The following PPP4R3B variants were observed in gnomAD, a reference collection of about 807,000 sequenced individuals.
The protein encoded by PPP4R3B is serine/threonine-protein phosphatase 4 regulatory subunit 3B.
PPP4R3B carries 52 observed loss-of-function variants against 95.4 expected under a neutral mutation model. That is an observed-to-expected ratio of 0.54 (90% confidence interval 0.44 to 0.69). The LOEUF is 0.69. Ranked by LOEUF, PPP4R3B falls within the 30% of genes least tolerant of loss-of-function variation. PPP4R3B has a pLI of 0.00. For missense variants in PPP4R3B, 1,003 were observed against 1,005.9 expected, an observed-to-expected ratio of 1.00 and a Z score of 0.04; for synonymous variants, 407 against 343.9, an observed-to-expected ratio of 1.18 and a Z score of -2.03.
intron 2 of PPP4R3B, among the ~76,000 whole-genome samples, chr2:55,605,216 T>C (rs924240065): frequency 7.2e-5 from 11 of 152,158 alleles, no homozygotes; most frequent in African/African-American, 2.7e-4. Flanking sequence ...ATAATGAAAG[T>C]TTAACGTGGC....
At chr2:55,616,905 G>A (rs1024548158) in intron 1 of PPP4R3B, among the ~76,000 whole-genome samples, 1 of 152,056 alleles carries the variant, frequency 6.6e-6, no homozygotes, top group African/African-American at 2.4e-5. Flanking sequence ...AAAAGAGGAG[G>A]GACTGGAAAG....
At chr2:55,569,438 G>A (rs1172637820) in intron 12 of PPP4R3B, among the ~76,000 whole-genome samples, 2 of 152,196 alleles carry the variant, frequency 1.3e-5, no homozygotes, top group South Asian at 2.1e-4. Flanking sequence ...GTGATGCTGT[G>A]CTTCAGGGGT....
intron 4 of PPP4R3B, among the ~76,000 whole-genome samples, chr2:55,591,001 C>G (rs1275174076): frequency 1.3e-5 from 2 of 152,168 alleles, no homozygotes; most frequent in African/African-American, 4.8e-5. Context: ...GTGTCTGAGT[C>G]ATTTAATTAG....
At chr2:55,613,306 ATTC>A (rs570878797) in intron 2 of PPP4R3B, among the ~76,000 whole-genome samples, 2 of 151,742 alleles carry the variant, frequency 1.3e-5, no homozygotes, top group South Asian at 2.1e-4. Flanking sequence ...GTGTTTCCAT[ATTC>A]TTCTCATTAC....
chr2:55,564,858 GAC>G, intron 14 of PPP4R3B, 42 bp downstream of exon 14: 1 of 1,577,840 alleles, frequency 6.3e-7, no homozygotes, highest in Non-Finnish European at 8.6e-7. Flanking sequence ...AACAATTTTG[GAC>G]ACAGTTTTGT....
In PPP4R3B at chr2:55,587,251, T is replaced by C. The variant is rs115227861; in HGVS notation, c.1000-517A>G. On this transcript the variant is annotated intron_variant, in intron 5 of 16. Coordinates refer to ENST00000616407, the MANE Select transcript of PPP4R3B (RefSeq NM_001122964.3). ...TAATGGGGTGCCAGTTTTTAAAATGTTTTTAAATGTAGGTTTTGAGGTGCC... is the reference window on the plus strand; with the variant it reads ...TAATGGGGTGCCAGTTTTTAAAATGCTTTTAAATGTAGGTTTTGAGGTGCC... Among the ~76,000 whole-genome samples the C allele has an allele frequency of 2.0e-4, 30 of 152,326 alleles. 1 individual carries two copies. The highest frequency in any genetic ancestry group is 6.0e-4 in the African/African-American group (25 of 41,570).
intron 7 of PPP4R3B, among the ~76,000 whole-genome samples, chr2:55,584,020 A>G (rs1689778920): frequency 6.6e-6 from 1 of 152,162 alleles, no homozygotes; most frequent in Non-Finnish European, 1.5e-5. Context: ...ACCCTGAACA[A>G]CATGGTGAAA....
intron 12 of PPP4R3B, among the ~76,000 whole-genome samples, chr2:55,570,972 C>T (rs6545506): frequency 0.44 from 67,637 of 152,000 alleles, 15,890 homozygotes; most frequent in Non-Finnish European, 0.52. Context: ...TACAACAGCA[C>T]TGCTTATAAT....
At chr2:55,592,172 A>C (rs1691122674) in intron 4 of PPP4R3B, among the ~76,000 whole-genome samples, 1 of 152,220 alleles carries the variant, frequency 6.6e-6, no homozygotes, top group Non-Finnish European at 1.5e-5. Context: ...AAACACAGAA[A>C]TTTAGAATTA....
chr2:55,613,697 T>C (rs1236052052), intron 2 of PPP4R3B, among the ~76,000 whole-genome samples: 1 of 152,006 alleles, frequency 6.6e-6, no homozygotes. Flanking sequence ...TTATATACAA[T>C]CTGAGAAGAA....
At chr2:55,555,211 C>T (rs1356796083) in intron 16 of PPP4R3B, among the ~76,000 whole-genome samples, 5 of 142,572 alleles carry the variant, frequency 3.5e-5, no homozygotes, top group Non-Finnish European at 6.0e-5. Flanking sequence ...ACCTGGGAGG[C>T]GGAGCTTGCA....
chr2:55,550,833 C>G (rs898139035), intron 16 of PPP4R3B, among the ~76,000 whole-genome samples: 1 of 151,998 alleles, frequency 6.6e-6, no homozygotes, highest in African/African-American at 2.4e-5. Flanking sequence ...AGAATGTAAC[C>G]AAATCAGTAT....
rs971852687 is a variant in PPP4R3B at position 55,617,421 on chromosome 2, G to A, written c.-136C>T. On this transcript the variant is annotated 5_prime_UTR_variant, in exon 1 of 17. Transcript: ENST00000616407. ...TTCGGAGAGGCCCGAATTCACCATGGCTCCAAAGGTTCAGCCGCGAGAAGG... is the reference window on the plus strand; with the variant it reads ...TTCGGAGAGGCCCGAATTCACCATGACTCCAAAGGTTCAGCCGCGAGAAGG... 7.5e-6 allele frequency: 8 copies of A among 1,061,910 alleles called. No individual in the cohort carries two copies. Among genetic ancestry groups the A allele is most frequent in the Non-Finnish European group, 1.0e-5 (8 of 790,494 alleles). The allele number at this position is 1,061,910 out of a possible 1,614,324, so 65.8% of individuals were successfully genotyped here. A position where few individuals can be genotyped will look rare whatever the true frequency, so the allele number is the denominator to read the frequency against.
At chr2:55,556,036 T>C (rs927751442) in intron 16 of PPP4R3B, among the ~76,000 whole-genome samples, 9 of 152,250 alleles carry the variant, frequency 5.9e-5, no homozygotes, top group African/African-American at 1.9e-4. Flanking sequence ...AGCTAATGTC[T>C]AGCCAGCCTT....
intron 1 of PPP4R3B, 93 bp downstream of exon 1, chr2:55,617,051 G>C: frequency 7.0e-7 from 1 of 1,426,760 alleles, no homozygotes; most frequent in Non-Finnish European, 9.4e-7. Context: ...CTGTCCCGAA[G>C]GAGTAGCAAC....
At chr2:55,594,026 G>A (rs895607631) in intron 4 of PPP4R3B, among the ~76,000 whole-genome samples, 1 of 152,122 alleles carries the variant, frequency 6.6e-6, no homozygotes, top group Admixed American at 6.5e-5. Flanking sequence ...AACATGAATG[G>A]AGCTGGAGGC....
At chr2:55,568,166 T>C (rs1040689891) in intron 13 of PPP4R3B, 28 bp downstream of exon 13, 17 of 1,396,200 alleles carry the variant, frequency 1.2e-5, no homozygotes, top group Non-Finnish European at 1.5e-5. Flanking sequence ...TAATTACATA[T>C]AATAACAGCT....
At chr2:55,585,588 C>T (rs903324046) in intron 6 of PPP4R3B, among the ~76,000 whole-genome samples, 2 of 152,140 alleles carry the variant, frequency 1.3e-5, no homozygotes, top group African/African-American at 4.8e-5. Context: ...TCCTTAGTAA[C>T]TGTTTCTATT....
chr2:55,614,389 T>C (rs972309747), intron 2 of PPP4R3B: 1 of 152,196 alleles, frequency 6.6e-6, no homozygotes, highest in Admixed American at 6.5e-5. Context: ...GTGTATGTCA[T>C]ACATAAGAAT....
Sources: allele counts gnomAD v4.1 joint callset (sites outside exome capture counted in the v4.1 genomes callset), GRCh38; gene constraint gnomAD v4.1.1; transcripts MANE v1.5; gene names NCBI Gene and HGNC (gene_info 2026-07-23, HGNC 2026-07-21).